ASAP2: variants seen among roughly 807,000 people sequenced by gnomAD.
The protein encoded by ASAP2 is arf-GAP with SH3 domain, ANK repeat and PH domain-containing protein 2.
ASAP2 carries 45 observed loss-of-function variants against 131.4 expected under a neutral mutation model. The ratio of observed to expected loss-of-function variants is 0.34; its 90% confidence interval spans 0.27 to 0.44. ASAP2 has a LOEUF of 0.44. ASAP2 is among the 20% of genes least tolerant of loss of function. The probability of loss-of-function intolerance (pLI) is 1.00; values close to 1 mark genes in which losing one functional copy is unlikely to be tolerated. For synonymous variants in ASAP2, 510 were observed against 503.0 expected, an observed-to-expected ratio of 1.01 and a Z score of -0.19; for missense variants, 1,011 against 1,297.0, an observed-to-expected ratio of 0.78 and a Z score of 3.39.
chr2:9,220,708 C>T (rs1049176270), intron 1 of ASAP2, among the ~76,000 whole-genome samples: 1 of 152,148 alleles, frequency 6.6e-6, no homozygotes, highest in Non-Finnish European at 1.5e-5. Context: ...ATTTTGATGA[C>T]ATCCAGAATA....
chr2:9,212,086 G>C (rs557805077), intron 1 of ASAP2, among the ~76,000 whole-genome samples: 8 of 152,282 alleles, frequency 5.3e-5, no homozygotes, highest in Non-Finnish European at 1.0e-4. Context: ...AGGCTCAAGA[G>C]TAGAAGTACT....
intron 8 of ASAP2, 78 bp from the exon 9 acceptor site, chr2:9,335,015 C>A: frequency 6.9e-7 from 1 of 1,455,408 alleles, no homozygotes; most frequent in Non-Finnish European, 9.6e-7. Context: ...GTGGAAATGG[C>A]CCCATGAGCA....
chr2:9,286,576 A>T (rs1041967104), intron 2 of ASAP2, among the ~76,000 whole-genome samples: 32 of 152,192 alleles, frequency 2.1e-4, no homozygotes, highest in Admixed American at 6.5e-4. Context: ...CACTGAAAAC[A>T]TGCACGCAGA....
In ASAP2 at chr2:9,254,258, C is replaced by CACACACGT. The variant is rs1272895345; in HGVS notation, c.127-25059_127-25058insACACACGT. ...AAAAATATATATATATATATATACA[C>CACACACGT]GTGTGTGTGTATGCATATATATAGT... On this transcript the variant is annotated intron_variant, in intron 1 of 27. Coordinates refer to ENST00000281419, the MANE Select transcript of ASAP2 (RefSeq NM_003887.3). Among the ~76,000 whole-genome samples, 7 of 91,226 alleles carry CACACACGT rather than the reference C, an allele frequency of 7.7e-5. 1 individual carries two copies. The highest frequency in any genetic ancestry group is 1.4e-4 in the Non-Finnish European group (7 of 49,810). The allele number at this position is 91,226 out of a possible 152,430, so 59.8% of individuals were successfully genotyped here.
chr2:9,285,529 A>G (rs1667408387), intron 2 of ASAP2, among the ~76,000 whole-genome samples: 1 of 152,228 alleles, frequency 6.6e-6, no homozygotes, highest in Non-Finnish European at 1.5e-5. Context: ...TTCCAAAAGC[A>G]GTTGTCATAA....
intron 1 of ASAP2, among the ~76,000 whole-genome samples, chr2:9,230,767 C>G (rs548242065): frequency 6.6e-6 from 1 of 152,226 alleles, no homozygotes; most frequent in African/African-American, 2.4e-5. Context: ...CCTGCATTTT[C>G]TAATCACTGG....
chr2:9,275,976 T>C (rs1243250129), intron 1 of ASAP2, among the ~76,000 whole-genome samples: 3 of 152,246 alleles, frequency 2.0e-5, no homozygotes, highest in Non-Finnish European at 4.4e-5. Context: ...AGTGGATGGC[T>C]GTGGCCTAGA....
chr2:9,284,587 G>C (rs1432610455), intron 2 of ASAP2, among the ~76,000 whole-genome samples: 2 of 152,196 alleles, frequency 1.3e-5, no homozygotes, highest in Non-Finnish European at 2.9e-5. Flanking sequence ...ATAGGTCATA[G>C]GATTGCTAGT....
At chr2:9,309,084 C>A (rs1489921063) in intron 3 of ASAP2, among the ~76,000 whole-genome samples, 1 of 152,118 alleles carries the variant, frequency 6.6e-6, no homozygotes, top group Non-Finnish European at 1.5e-5. Flanking sequence ...GCTCTCTGCC[C>A]CGCCTCCTTT....
intron 1 of ASAP2, among the ~76,000 whole-genome samples, chr2:9,264,308 G>C (rs927953683): frequency 6.6e-6 from 1 of 152,222 alleles, no homozygotes; most frequent in Non-Finnish European, 1.5e-5. Flanking sequence ...CTTGGGAAAA[G>C]GTTTTGCTTC....
intron 1 of ASAP2, among the ~76,000 whole-genome samples, chr2:9,258,335 GTT>G (rs34528995): frequency 2.2e-5 from 2 of 90,620 alleles, no homozygotes; most frequent in African/African-American, 8.1e-5. Flanking sequence ...ATCAGTAGTT[GTT>G]TTTTTTTTTT....
At chr2:9,337,951 A>G (rs952188413) in intron 9 of ASAP2, among the ~76,000 whole-genome samples, 12 of 152,338 alleles carry the variant, frequency 7.9e-5, no homozygotes, top group South Asian at 4.1e-4. Context: ...GGATCGAACT[A>G]TGTACCATAG....
chr2:9,262,945 T>C (rs1237233847), intron 1 of ASAP2, among the ~76,000 whole-genome samples: 1 of 152,254 alleles, frequency 6.6e-6, no homozygotes, highest in Non-Finnish European at 1.5e-5. Context: ...GAAGTTCATG[T>C]GGCTTGAGCC....
At chr2:9,296,470 C>T (rs1668158621) in intron 2 of ASAP2, among the ~76,000 whole-genome samples, 1 of 152,218 alleles carries the variant, frequency 6.6e-6, no homozygotes, top group Non-Finnish European at 1.5e-5. Flanking sequence ...CAGATTTTCA[C>T]TCTTTCAGGT....
intron 1 of ASAP2, among the ~76,000 whole-genome samples, chr2:9,233,110 T>A (rs1340326214): frequency 6.6e-6 from 1 of 152,230 alleles, no homozygotes; most frequent in Non-Finnish European, 1.5e-5. Context: ...GATACAGAGA[T>A]ACGGCTTTGA....
At chr2:9,379,326 C>CA (rs1485050560) in intron 19 of ASAP2, among the ~76,000 whole-genome samples, 2 of 152,212 alleles carry the variant, frequency 1.3e-5, no homozygotes, top group Non-Finnish European at 2.9e-5. Flanking sequence ...TTGCAGCTCT[C>CA]ACGGATGCCA....
chr2:9,244,552 C>T (rs573039891), intron 1 of ASAP2, among the ~76,000 whole-genome samples: 3 of 152,300 alleles, frequency 2.0e-5, no homozygotes, highest in South Asian at 2.1e-4. Context: ...TTAATGTCCA[C>T]GGGAAGAGCT....
rs183940960 is a variant in ASAP2, at chr2:9,302,268, G to T, written c.345+4823G>T. Among the ~76,000 whole-genome samples, 5 of 149,492 alleles carry T rather than the reference G, an allele frequency of 3.3e-5. No homozygotes were observed. The East Asian group carries it at 9.8e-4, about 29-fold the overall frequency. Reference sequence around the variant, plus strand: ...GCTCACTGCAGCCTCTGCCTCTCGCGTTCAAGCGATCCTTCTGCCTCAGCC... The same window carrying T: ...GCTCACTGCAGCCTCTGCCTCTCGCTTTCAAGCGATCCTTCTGCCTCAGCC... On this transcript the variant is annotated intron_variant, in intron 3 of 27. Transcript: ENST00000281419.
chr2:9,214,471 C>T (rs192654089), intron 1 of ASAP2, among the ~76,000 whole-genome samples: 235 of 152,250 alleles, frequency 1.5e-3, no homozygotes, highest in African/African-American at 5.1e-3. Context: ...AACTCCTGAC[C>T]TCAGGTGATC....
Sources: allele counts gnomAD v4.1 joint callset (sites outside exome capture counted in the v4.1 genomes callset), GRCh38; gene constraint gnomAD v4.1.1; transcripts MANE v1.5; gene names NCBI Gene and HGNC (gene_info 2026-07-23, HGNC 2026-07-21).